Variants in GOLPH3 observed in about 807,000 individuals in gnomAD.
The protein encoded by GOLPH3 is golgi phosphoprotein 3.
A neutral mutation model predicts 28.5 loss-of-function variants in GOLPH3; 14 were observed. The ratio of observed to expected loss-of-function variants is 0.49; its 90% CI spans 0.32 to 0.77. The LOEUF is 0.77. Among genes scored for constraint, GOLPH3 ranks in the 30% least tolerant of loss-of-function variants. The pLI, the probability that GOLPH3 is intolerant of heterozygous loss-of-function variation, is 0.03. For synonymous variants in GOLPH3, 158 were observed against 159.2 expected (o/e 0.99, Z 0.06); for missense variants, 350 against 393.7 (o/e 0.89, Z 0.94).
chr5:32,153,055 A>G (rs996471548), intron 1 of GOLPH3, among the ~76,000 whole-genome samples: 3 of 152,226 alleles, frequency 2.0e-5, no homozygotes, highest in Non-Finnish European at 4.4e-5. Flanking sequence ...TGTAGGAGCA[A>G]AAGTTTGGAA....
chr5:32,137,159 A>C (rs1029258357), intron 2 of GOLPH3, among the ~76,000 whole-genome samples: 57 of 151,644 alleles, frequency 3.8e-4, no homozygotes, highest in African/African-American at 1.3e-3. Flanking sequence ...GGGTTTCTCC[A>C]TGTTGGTCAG....
rs1049664396 is a variant in GOLPH3, at chr5:32,161,457, A to C, written c.225+12353T>G. Among the ~76,000 whole-genome samples, 8 of 150,582 alleles carry C rather than the reference A, an allele frequency of 5.3e-5. 1 individual carries two copies. The highest frequency in any genetic ancestry group is 2.0e-4 in the African/African-American group (8 of 40,234). On this transcript the variant is annotated intron_variant, in intron 1 of 3. Coordinates refer to ENST00000265070, the MANE Select transcript of GOLPH3 (RefSeq NM_022130.4). ...AAAAAAAAAAACCAAAGCTGAGAAT[A>C]TGGAAAGGTGGAGAGAACTGCTGAC...
chr5:32,128,533 C>T (rs761950100), intron 3 of GOLPH3, among the ~76,000 whole-genome samples: 2 of 152,058 alleles, frequency 1.3e-5, no homozygotes, highest in Non-Finnish European at 2.9e-5. Flanking sequence ...GTGGCAGTTG[C>T]CTGTAATCTC....
At chr5:32,164,537 GAGCCCGCCAGCACGCCA>G (rs1483459417) in intron 1 of GOLPH3, among the ~76,000 whole-genome samples, 1 of 151,980 alleles carries the variant, frequency 6.6e-6, no homozygotes, top group Admixed American at 6.6e-5. Flanking sequence ...GGGACTACAG[GAGCCCGCCAGCACGCCA>G]AGCTAATTTC....
intron 1 of GOLPH3, among the ~76,000 whole-genome samples, chr5:32,158,227 T>A (rs1746499605): frequency 6.7e-6 from 1 of 148,240 alleles, no homozygotes; most frequent in Non-Finnish European, 1.5e-5. Flanking sequence ...TATCAGATAT[T>A]TCAAAACCCC....
At chr5:32,162,362 G>A (rs1018350468) in intron 1 of GOLPH3, among the ~76,000 whole-genome samples, 3 of 151,162 alleles carry the variant, frequency 2.0e-5, no homozygotes, top group Non-Finnish European at 4.4e-5. Context: ...CGTGGTGGCA[G>A]GCGCCTGTAG....
chr5:32,161,280 G>A (rs172836), intron 1 of GOLPH3, among the ~76,000 whole-genome samples: 125,890 of 149,866 alleles, frequency 0.84, 55,760 homozygotes, highest in South Asian at 0.96. Flanking sequence ...GCGCACGCCT[G>A]TAGTCCCGGC....
intron 1 of GOLPH3, among the ~76,000 whole-genome samples, chr5:32,147,628 T>C (rs988224355): frequency 2.6e-5 from 4 of 152,154 alleles, no homozygotes; most frequent in Non-Finnish European, 2.9e-5. Context: ...TTTCTGTATA[T>C]AGTAAAGGAA....
chr5:32,173,594 T>C, intron 1 of GOLPH3, among the ~76,000 whole-genome samples: 1 of 152,052 alleles, frequency 6.6e-6, no homozygotes, highest in East Asian at 1.9e-4. Flanking sequence ...ATCCAAGCCA[T>C]CTCTACGGGG....
Position 32,135,665 on chromosome 5 carries a change from G to C in GOLPH3, c.379C>G (p.Pro127Ala). The C allele has an allele frequency of 1.2e-6, 2 of 1,612,480 alleles. No individual in the cohort carries two copies. The highest frequency in any genetic ancestry group is 1.7e-6 in the Non-Finnish European group (2 of 1,178,652). Reference sequence around the variant, plus strand: ...TCATCAAGAAGAACATCCCCTGTTGGAGCATCTGACTTACAGATTACCTAA... The same window carrying C: ...TCATCAAGAAGAACATCCCCTGTTGCAGCATCTGACTTACAGATTACCTAA... Reference protein sequence around the residue: ...TRKVICKSDAPTGDVLLDEAL... With the variant: ...TRKVICKSDAATGDVLLDEAL... Residue 127 changes from proline (P) to alanine (A), a missense_variant, in exon 3 of 4, where the codon CCA becomes GCA. Transcript: ENST00000265070.
chr5:32,164,456 C>T (rs980300845), intron 1 of GOLPH3, among the ~76,000 whole-genome samples: 2 of 150,364 alleles, frequency 1.3e-5, no homozygotes, highest in Non-Finnish European at 3.0e-5. Flanking sequence ...TGCAGTGGCG[C>T]GATATGGGCT....
chr5:32,174,144 C>G lies in GOLPH3; in HGVS notation c.-110G>C. On this transcript the variant is annotated 5_prime_UTR_variant, in exon 1 of 4. Coordinates refer to ENST00000265070, the MANE Select transcript of GOLPH3 (RefSeq NM_022130.4). Reference sequence around the variant, plus strand: ...CGGGTTTCCGTGTTAAATCCGGACGCCGGGGCGACGTCCGTCGGCAGCAGG... The same window carrying G: ...CGGGTTTCCGTGTTAAATCCGGACGGCGGGGCGACGTCCGTCGGCAGCAGG... 1 of 694,712 alleles carries G rather than the reference C, an allele frequency of 1.4e-6. No homozygotes were observed. The highest frequency in any genetic ancestry group is 3.6e-5 in the East Asian group (1 of 27,564). 43.0% of individuals were successfully genotyped at this position (694,712 alleles called of 1,614,324 possible). A position where few individuals can be genotyped will look rare whatever the true frequency, so the allele number is the denominator to read the frequency against.
rs368465798 is a variant in GOLPH3 at position 32,158,023 on chromosome 5, TACACACACACACACACAC to T, written c.226-14161_226-14144del. Among the ~76,000 whole-genome samples the T allele has an allele frequency of 1.1e-4, 3 of 26,760 alleles. 1 individual carries two copies. In the Admixed American group the frequency reaches 1.6e-3, roughly 15 times the overall value. The allele number at this position is 26,760 out of a possible 152,430, so 17.6% of individuals were successfully genotyped here. A position where few individuals can be genotyped will look rare whatever the true frequency, so the allele number is the denominator to read the frequency against. On this transcript the variant is annotated intron_variant, in intron 1 of 3. Coordinates refer to ENST00000265070, the MANE Select transcript of GOLPH3 (RefSeq NM_022130.4). ...TAAATAAATAAATAAATAAATAAAA[TACACACACACACACACAC>T]ACACACACACACACACACACTGGGC... is the stretch of plus-strand genomic sequence containing the variant.
chr5:32,169,944 T>C (rs1424665918), intron 1 of GOLPH3, among the ~76,000 whole-genome samples: 1 of 147,062 alleles, frequency 6.8e-6, no homozygotes, highest in African/African-American at 2.5e-5. Flanking sequence ...AAAAAAAAAA[T>C]CTGAAATGTG....
chr5:32,174,305 G>GCGC lies in GOLPH3; in HGVS notation c.-274_-272dup, dbSNP rs1440227213. ...GAGCTCCAAGGCGGAGGCGGCGGCG[G>GCGC]CGCCTTTCCAATATGGCGGCCCCGG... On this transcript the variant is annotated 5_prime_UTR_variant, in exon 1 of 4. Transcript: ENST00000265070. 1 of 323,650 alleles carries GCGC rather than the reference G, an allele frequency of 3.1e-6. No individual in the cohort carries two copies. Among genetic ancestry groups the GCGC allele is most frequent in the Non-Finnish European group, 5.6e-6 (1 of 178,634 alleles). The allele number at this position is 323,650 out of a possible 1,614,324, so 20.0% of individuals were successfully genotyped here.
chr5:32,164,484 C>T (rs1196141344), intron 1 of GOLPH3, among the ~76,000 whole-genome samples: 1 of 152,014 alleles, frequency 6.6e-6, no homozygotes, highest in East Asian at 1.9e-4. Flanking sequence ...AGCTCCGCCT[C>T]CCGGGTTCAC....
Position 32,125,923 on chromosome 5 carries a change from C to T in GOLPH3, c.*289G>A, listed in dbSNP as rs1561652668. On this transcript the variant is annotated 3_prime_UTR_variant, in exon 4 of 4. Transcript: ENST00000265070. Reference sequence around the variant, plus strand: ...TGTGCGTATGAGGAGGCTGGAGGTACTTTGAAAGTCAAAGTAGACCAGAAA... The same window carrying T: ...TGTGCGTATGAGGAGGCTGGAGGTATTTTGAAAGTCAAAGTAGACCAGAAA... 1 of 322,090 alleles carries T rather than the reference C, an allele frequency of 3.1e-6. No homozygotes were observed. 20.0% of individuals were successfully genotyped at this position (322,090 alleles called of 1,614,324 possible). A position where few individuals can be genotyped will look rare whatever the true frequency, so the allele number is the denominator to read the frequency against.
chr5:32,140,837 G>A (rs1035248973), intron 2 of GOLPH3, among the ~76,000 whole-genome samples: 3 of 150,968 alleles, frequency 2.0e-5, no homozygotes, highest in Non-Finnish European at 4.4e-5. Flanking sequence ...AAAATCAGAA[G>A]GGCACCAGAC....
chr5:32,147,556 G>C (rs1746206765), intron 1 of GOLPH3, among the ~76,000 whole-genome samples: 1 of 152,126 alleles, frequency 6.6e-6, no homozygotes, highest in Non-Finnish European at 1.5e-5. Flanking sequence ...AGGGAGATTA[G>C]AAGAAAAGTT....
Sources: allele counts gnomAD v4.1 joint callset (sites outside exome capture counted in the v4.1 genomes callset), GRCh38; gene constraint gnomAD v4.1.1; transcripts MANE v1.5; gene names NCBI Gene and HGNC (gene_info 2026-07-23, HGNC 2026-07-21).